The following UPP2 variants were observed in gnomAD, a reference collection of about 807,000 sequenced individuals.
The protein encoded by UPP2 is UPase 2.
UPP2 carries 23 observed loss-of-function variants against 26.7 expected under a neutral mutation model. The ratio of observed to expected loss-of-function variants is 0.86; its 90% CI spans 0.62 to 1.22. The LOEUF (loss-of-function observed/expected upper bound fraction) is 1.22. Ranked by LOEUF, UPP2 falls within the 50% of genes most tolerant of loss-of-function variation. UPP2 has a pLI of 0.00. For missense variants in UPP2, 387 were observed against 396.7 expected (o/e 0.98, Z 0.21); for synonymous variants, 127 against 141.3 (o/e 0.90, Z 0.72).
At chr2:158,061,470 T>A (rs1682350800) in intron 3 of UPP2, among the ~76,000 whole-genome samples, 1 of 152,242 alleles carries the variant, frequency 6.6e-6, no homozygotes, top group South Asian at 2.1e-4. Flanking sequence ...AAACACTGTG[T>A]AGCAGCATTG....
At chr2:158,065,730 G>A (rs1220060848) in intron 3 of UPP2, 1 of 666,546 alleles carries the variant, frequency 1.5e-6, no homozygotes, top group Non-Finnish European at 2.8e-6. Flanking sequence ...GGAGAAAGAA[G>A]GTACCCATGT....
At chr2:158,053,674 A>C (rs1682194748) in intron 3 of UPP2, among the ~76,000 whole-genome samples, 1 of 152,174 alleles carries the variant, frequency 6.6e-6, no homozygotes, top group Non-Finnish European at 1.5e-5. Flanking sequence ...AGAATTGTTA[A>C]CATGTTTATA....
At position 158,093,256 on chromosome 2, in the gene UPP2, C is replaced by A. The variant is rs867555490; in HGVS notation, c.148-8784C>A. The stretch of plus-strand genomic sequence containing the variant: ...AATCATTCTATAGAATGTAGGAAGG[C>A]GGTAAAAAGAAACATACACACACAC... On this transcript the variant is annotated intron_variant, in intron 3 of 9. Transcript: ENST00000605860. Among the ~76,000 whole-genome samples, 4 of 137,892 alleles carry A rather than the reference C, an allele frequency of 2.9e-5. No homozygotes were observed. In the South Asian group the frequency reaches 9.7e-4, roughly 34 times the overall value. 90.5% of individuals were successfully genotyped at this position (137,892 alleles called of 152,430 possible).
chr2:158,025,630 C>T (rs1036957825), intron 3 of UPP2, among the ~76,000 whole-genome samples: 1 of 152,224 alleles, frequency 6.6e-6, no homozygotes, highest in Non-Finnish European at 1.5e-5. Flanking sequence ...GGTGAGGCCA[C>T]GGTCACCATT....
chr2:158,105,762 T>C lies in UPP2; in HGVS notation c.63-337T>C, dbSNP rs574022571. Among the ~76,000 whole-genome samples, 48 of 152,324 alleles carry C rather than the reference T, an allele frequency of 3.2e-4. 1 individual carries two copies. Among genetic ancestry groups the C allele is most frequent in the African/African-American group, 1.1e-3 (44 of 41,570 alleles). On this transcript the variant is annotated intron_variant, in intron 1 of 6. Coordinates refer to ENST00000005756, the MANE Select transcript of UPP2 (RefSeq NM_173355.4). ...AGTCAGAACTGAATAGAAATGGCTG[T>C]TTTGTAATTTACTGGTTGTTAATCT...
intron 3 of UPP2, among the ~76,000 whole-genome samples, chr2:158,062,649 A>C (rs1486905579): frequency 6.6e-6 from 1 of 152,110 alleles, no homozygotes; most frequent in South Asian, 2.1e-4. Flanking sequence ...TTTTTACACT[A>C]TCCCTTGGGT....
At chr2:158,132,988 C>T (rs2105236051) in intron 6 of UPP2, among the ~76,000 whole-genome samples, 1 of 152,218 alleles carries the variant, frequency 6.6e-6, no homozygotes, top group South Asian at 2.1e-4. Context: ...ACTAAGAATT[C>T]CCATATAAGC....
At chr2:158,021,027 T>C (rs190544482) in intron 3 of UPP2, among the ~76,000 whole-genome samples, 1 of 152,216 alleles carries the variant, frequency 6.6e-6, no homozygotes, top group Admixed American at 6.5e-5. Context: ...GTCTCAGCCT[T>C]TATTGGGCCA....
At chr2:158,067,534 C>G (rs1682457035) in intron 3 of UPP2, among the ~76,000 whole-genome samples, 1 of 152,068 alleles carries the variant, frequency 6.6e-6, no homozygotes, top group Non-Finnish European at 1.5e-5. Context: ...AATATGGAAT[C>G]CTACGTGCAT....
intron 3 of UPP2, among the ~76,000 whole-genome samples, chr2:158,074,412 A>G (rs1007229345): frequency 6.6e-6 from 1 of 152,152 alleles, no homozygotes; most frequent in African/African-American, 2.4e-5. Flanking sequence ...GAAAATAAAA[A>G]GTTAAAAAGC....
chr2:158,094,934 A>G (rs940242328), intron 3 of UPP2, among the ~76,000 whole-genome samples: 1 of 152,120 alleles, frequency 6.6e-6, no homozygotes, highest in African/African-American at 2.4e-5. Flanking sequence ...AAGCGCTTTC[A>G]TCAGGTGCTG....
chr2:158,062,105 A>G (rs1341001362), intron 3 of UPP2, among the ~76,000 whole-genome samples: 1 of 152,284 alleles, frequency 6.6e-6, no homozygotes, highest in African/African-American at 2.4e-5. Context: ...TTGTCCACAA[A>G]GCCAAACATA....
Position 158,123,816 on chromosome 2 carries a change from A to G in UPP2, c.732A>G (p.Arg244=), listed in dbSNP as rs1319688422. 1.9e-6 allele frequency: 3 copies of G among 1,613,976 alleles called. No individual in the cohort carries two copies. The highest frequency in any genetic ancestry group is 1.7e-6 in the Non-Finnish European group (2 of 1,179,956). ...AAAAAAAGTTAGACTACTTGAAGAG[A>G]GCATTTAAAGCTGGTGTCAGGAATA... The part of the protein sequence containing the change: ...SREKKLDYLK[R]AFKAGVRNIE... The change falls in exon 6 of 7, where the codon AGA becomes AGG. Residue 244 remains arginine, a synonymous_variant. Transcript: ENST00000005756.
chr2:158,108,833 C>T (rs978616392), intron 2 of UPP2, among the ~76,000 whole-genome samples: 1 of 150,610 alleles, frequency 6.6e-6, no homozygotes, highest in African/African-American at 2.5e-5. Context: ...ATGTTTTATC[C>T]CATCAAACAG....
At chr2:158,062,810 G>A (rs1391857567) in intron 3 of UPP2, among the ~76,000 whole-genome samples, 1 of 152,148 alleles carries the variant, frequency 6.6e-6, no homozygotes, top group African/African-American at 2.4e-5. Context: ...GAACTATAAG[G>A]GAGATCCAGC....
At chr2:158,023,810 G>C (rs1293393723) in intron 3 of UPP2, among the ~76,000 whole-genome samples, 2 of 152,186 alleles carry the variant, frequency 1.3e-5, no homozygotes, top group Non-Finnish European at 2.9e-5. Flanking sequence ...TTCGACCGAA[G>C]TTGCCAGGTC....
At chr2:158,104,936 G>A (rs13426920) in intron 1 of UPP2, among the ~76,000 whole-genome samples, 7,386 of 57,906 alleles carry the variant, frequency 0.13, 586 homozygotes, top group African/African-American at 0.32. Context: ...GGAAGGGAAG[G>A]GAAGGGAAGG....
At chr2:158,095,030 C>T (rs796832894) in intron 3 of UPP2, among the ~76,000 whole-genome samples, 20 of 152,234 alleles carry the variant, frequency 1.3e-4, no homozygotes, top group African/African-American at 4.6e-4. Flanking sequence ...GCTAGGAGAC[C>T]AGCAGAAACA....
chr2:158,064,595 GATCCC>G (rs1452061367), intron 3 of UPP2, among the ~76,000 whole-genome samples: 1 of 152,082 alleles, frequency 6.6e-6, no homozygotes, highest in Non-Finnish European at 1.5e-5. Context: ...AGTTTAATTA[GATCCC>G]ATTTGTCAAT....
Sources: allele counts gnomAD v4.1 joint callset (sites outside exome capture counted in the v4.1 genomes callset), GRCh38; gene constraint gnomAD v4.1.1; transcripts MANE v1.5; gene names NCBI Gene and HGNC (gene_info 2026-07-23, HGNC 2026-07-21).